Variants in MARCHF11 observed in about 807,000 individuals in gnomAD.
MARCHF11 encodes membrane associated ring-CH-type finger 11, also known as E3 ubiquitin-protein ligase MARCHF11.
A neutral mutation model predicts 37.3 loss-of-function variants in MARCHF11; 29 were observed. That is an observed-to-expected ratio of 0.78 (90% CI 0.58 to 1.06). The LOEUF is 1.06. Among genes scored for constraint, MARCHF11 ranks in the 50% least tolerant of loss-of-function variants. The probability of loss-of-function intolerance (pLI) is 0.00; values close to 1 mark genes in which losing one functional copy is unlikely to be tolerated. For synonymous variants in MARCHF11, 233 were observed against 228.0 expected, an observed-to-expected ratio of 1.02 and a Z score of -0.20; for missense variants, 482 against 533.4, an observed-to-expected ratio of 0.90 and a Z score of 0.95.
At chr5:16,113,772 ACTT>A (rs1737185857) in intron 2 of MARCHF11, among the ~76,000 whole-genome samples, 2 of 152,194 alleles carry the variant, frequency 1.3e-5, no homozygotes, top group Non-Finnish European at 2.9e-5. Flanking sequence ...AATATTTATC[ACTT>A]CTTTGTTTTG....
chr5:16,157,962 T>C (rs1344938721), intron 2 of MARCHF11, among the ~76,000 whole-genome samples: 1 of 151,760 alleles, frequency 6.6e-6, no homozygotes, highest in African/African-American at 2.4e-5. Flanking sequence ...CCAAAACATA[T>C]AAGGCATTCA....
At chr5:16,072,510 CTGTGTGTGTGTGTGTG>C (rs34699021) in intron 3 of MARCHF11, among the ~76,000 whole-genome samples, 3 of 146,620 alleles carry the variant, frequency 2.0e-5, no homozygotes, top group Non-Finnish European at 4.5e-5. Context: ...CTCTCTCACT[CTGTGTGTGTGTGTGTG>C]TGTGTGTGTG....
intron 2 of MARCHF11, among the ~76,000 whole-genome samples, chr5:16,136,015 G>A (rs1469689687): frequency 1.3e-5 from 2 of 152,186 alleles, no homozygotes; most frequent in South Asian, 2.1e-4. Flanking sequence ...TCTGAAAAGA[G>A]GGAAGGCAGA....
rs1156654860 is a variant in MARCHF11 at position 16,179,700 on chromosome 5, G to T, written c.-125C>A. On this transcript the variant is annotated 5_prime_UTR_variant, in exon 1 of 4. Coordinates refer to ENST00000332432, the MANE Select transcript of MARCHF11 (RefSeq NM_001102562.3). ...GAGGGAGGGGGCCCGGACGCCTGGG[G>T]CTAGGGGGCGGGACGGGGAGGGGAT... 8.1e-6 allele frequency: 4 copies of T among 494,960 alleles called. No individual in the cohort carries two copies. The highest frequency in any genetic ancestry group is 6.4e-5 in the African/African-American group (3 of 46,544). The allele number at this position is 494,960 out of a possible 1,614,324, so 30.7% of individuals were successfully genotyped here.
intron 3 of MARCHF11, among the ~76,000 whole-genome samples, chr5:16,070,642 T>C (rs140887671): frequency 2.0e-3 from 309 of 152,340 alleles, no homozygotes; most frequent in African/African-American, 7.0e-3. Flanking sequence ...ATATTCCTGG[T>C]AGCTCTTTTC....
At chr5:16,092,194 C>G (rs1353120962) in intron 2 of MARCHF11, among the ~76,000 whole-genome samples, 1 of 152,136 alleles carries the variant, frequency 6.6e-6, no homozygotes, top group Non-Finnish European at 1.5e-5. Context: ...CATTGTCTGT[C>G]TCTCTGTCAC....
chr5:16,093,636 G>C (rs1736819925), intron 2 of MARCHF11, among the ~76,000 whole-genome samples: 1 of 152,128 alleles, frequency 6.6e-6, no homozygotes, highest in South Asian at 2.1e-4. Flanking sequence ...TGAAGGGAGA[G>C]GCTCACCAGA....
intron 2 of MARCHF11, among the ~76,000 whole-genome samples, chr5:16,166,064 T>C (rs1738163983): frequency 6.6e-6 from 1 of 152,152 alleles, no homozygotes; most frequent in Admixed American, 6.6e-5. Flanking sequence ...CAGATTTTTA[T>C]ATTATAGTTC....
chr5:16,091,060 G>A lies in MARCHF11; in HGVS notation c.715C>T (p.Leu239=), dbSNP rs1252152252. The A allele has an allele frequency of 6.3e-7, 1 of 1,596,326 alleles. No individual in the cohort carries two copies. The highest frequency in any genetic ancestry group is 8.5e-7 in the Non-Finnish European group (1 of 1,170,600). The change falls in exon 3 of 4, where the codon CTG becomes TTG. Residue 239 remains leucine, a synonymous_variant. Transcript: ENST00000332432. ...PCQWQSISIT[L]VEKVQMIAVI... is the part of the protein sequence containing the mutation. ...GCAATCATCTGAACTTTCTCAACCA[G>A]TGTTATAGAAATGCTCTGCCACTAA...
intron 2 of MARCHF11, among the ~76,000 whole-genome samples, chr5:16,094,383 A>G (rs1053889059): frequency 6.6e-6 from 1 of 152,130 alleles, no homozygotes; most frequent in East Asian, 1.9e-4. Context: ...CTCTATCCCA[A>G]TGTTATATCC....
intron 2 of MARCHF11, among the ~76,000 whole-genome samples, chr5:16,104,941 A>G (rs1356990307): frequency 1.3e-5 from 2 of 152,206 alleles, no homozygotes; most frequent in Non-Finnish European, 2.9e-5. Flanking sequence ...ACACACACAC[A>G]CATCCCACAT....
chr5:16,103,779 C>T (rs1736995683), intron 2 of MARCHF11, among the ~76,000 whole-genome samples: 1 of 152,088 alleles, frequency 6.6e-6, no homozygotes, highest in East Asian at 1.9e-4. Context: ...AAAAGTCATG[C>T]CGCATAAGAA....
intron 2 of MARCHF11, among the ~76,000 whole-genome samples, chr5:16,127,535 G>T (rs755717870): frequency 2.0e-5 from 3 of 152,200 alleles, no homozygotes; most frequent in Non-Finnish European, 4.4e-5. Context: ...TATCTGAAGA[G>T]ATCTGGTGAA....
chr5:16,128,744 G>GTC (rs1266913254), intron 2 of MARCHF11, among the ~76,000 whole-genome samples: 2 of 152,142 alleles, frequency 1.3e-5, no homozygotes, highest in East Asian at 3.9e-4. Flanking sequence ...TGCCAAACTT[G>GTC]ACTGTTTGTG....
chr5:16,127,348 T>G (rs1237463102), intron 2 of MARCHF11, among the ~76,000 whole-genome samples: 2 of 152,134 alleles, frequency 1.3e-5, no homozygotes, highest in Non-Finnish European at 2.9e-5. Context: ...AAAAAACATC[T>G]TATGTGATCC....
intron 2 of MARCHF11, among the ~76,000 whole-genome samples, chr5:16,131,546 G>A (rs1424628226): frequency 1.3e-5 from 2 of 152,156 alleles, no homozygotes; most frequent in African/African-American, 2.4e-5. Context: ...AGAACTGGTC[G>A]GGGGTGGGAG....
chr5:16,102,738 G>C (rs1291938940), intron 2 of MARCHF11, among the ~76,000 whole-genome samples: 1 of 152,150 alleles, frequency 6.6e-6, no homozygotes, highest in African/African-American at 2.4e-5. Flanking sequence ...CAAGGACCCA[G>C]GTGCAGGTCA....
intron 2 of MARCHF11, among the ~76,000 whole-genome samples, chr5:16,172,753 T>C (rs1738291701): frequency 6.6e-6 from 1 of 152,180 alleles, no homozygotes; most frequent in African/African-American, 2.4e-5. Context: ...GCCCCTTTCA[T>C]GATGGAGCCC....
At chr5:16,120,356 C>G (rs1737291024) in intron 2 of MARCHF11, among the ~76,000 whole-genome samples, 1 of 152,200 alleles carries the variant, frequency 6.6e-6, no homozygotes, top group East Asian at 1.9e-4. Context: ...GGCTACCTCC[C>G]CTGTACAAGT....
Sources: gnomAD v4.1 joint callset for allele counts (sites outside exome capture counted in the v4.1 genomes callset) on GRCh38, gnomAD v4.1.1 for gene constraint, MANE v1.5 for transcripts, NCBI Gene and HGNC (gene_info 2026-07-23, HGNC 2026-07-21) for gene names.